The following BAG6 variants were observed in gnomAD, a reference collection of about 807,000 sequenced individuals.
The protein encoded by BAG6 is large proline-rich protein BAG6.
Under a neutral mutation model 121.0 loss-of-function variants are expected in BAG6, and 22 were observed. The observed-to-expected ratio is 0.18, with a 90% CI of 0.13 to 0.26. BAG6 has a LOEUF of 0.26. Among genes scored for constraint, BAG6 ranks in the 10% least tolerant of loss-of-function variants. BAG6 has a pLI of 1.00. For synonymous variants in BAG6, 583 were observed against 584.6 expected (o/e 1.00, Z 0.04); for missense variants, 1,233 against 1,537.7 (o/e 0.80, Z 3.31).
chr6:31,649,359 G>A lies in BAG6; in HGVS notation c.263C>T (p.Ala88Val), dbSNP rs1243259549. 6.2e-7 allele frequency: 1 copy of A among 1,610,314 alleles called. No individual in the cohort carries two copies. Among genetic ancestry groups the A allele is most frequent in the Non-Finnish European group, 8.5e-7 (1 of 1,178,318 alleles). Reference protein sequence around the residue: ...GGKVIHLVERAPPQTHLPSGA... With the variant: ...GGKVIHLVERVPPQTHLPSGA... Reference sequence around the variant, plus strand: ...AGAAGGGAGGTGAGTCTGAGGAGGAGCCCGTTCCACCAGGTGGATAACCTT... The same window carrying A: ...AGAAGGGAGGTGAGTCTGAGGAGGAACCCGTTCCACCAGGTGGATAACCTT... Residue 88 changes from alanine to valine, a missense_variant, in exon 4 of 26, where the codon GCT (alanine) becomes GTT (valine). Physicochemically the swap from Ala to Val is moderately conservative, Grantham distance 64. This residue lies in a region of BAG6 where 777 missense variants were observed against 861.4 expected (regional missense o/e 0.90). Coordinates refer to ENST00000676615, the MANE Select transcript of BAG6 (RefSeq NM_001387994.1).
chr6:31,639,138 T>C lies in BAG6; in HGVS notation c.3482A>G (p.Asp1161Gly). Reference protein sequence around the residue: ...FPNAQRAFADDP With the variant: ...FPNAQRAFADGP ...GGGCCATAGAGCAAAGAGCTAAGGA[T>C]CATCAGCAAAGGCCCGCTGGGCATT... The change falls in exon 26 of 26, where the codon GAT (aspartate) becomes GGT (glycine). Residue 1161 changes from aspartate (D) to glycine (G), a missense_variant. Asp to Gly is a moderately conservative substitution (Grantham distance 94, BLOSUM62 -1). This residue lies in a region of BAG6 where 102 missense variants were observed against 103.2 expected (regional missense o/e 0.99). Coordinates refer to ENST00000676615, the MANE Select transcript of BAG6 (RefSeq NM_001387994.1). The C allele has an allele frequency of 6.2e-7, 1 of 1,612,966 alleles. No individual in the cohort carries two copies. The highest frequency in any genetic ancestry group is 8.5e-7 in the Non-Finnish European group (1 of 1,179,420).
In BAG6 at chr6:31,641,741, A is replaced by G. The variant is rs2150714656; in HGVS notation, c.2505+35T>C. 4 of 1,612,244 alleles carry G rather than the reference A, an allele frequency of 2.5e-6. No homozygotes were observed. The highest frequency in any genetic ancestry group is 3.4e-6 in the Non-Finnish European group (4 of 1,178,988). Reference sequence around the variant, plus strand: ...AGAAATAAGGAATAAAATGTGCAAAAGAGGAGAGTTCTGGGGCCCCTGGCC... The same window carrying G: ...AGAAATAAGGAATAAAATGTGCAAAGGAGGAGAGTTCTGGGGCCCCTGGCC... On this transcript the variant is annotated intron_variant, in intron 17 of 25. Coordinates refer to ENST00000676615, the MANE Select transcript of BAG6 (RefSeq NM_001387994.1). The surrounding 1 kb of genome is among the most constrained non-coding windows in gnomAD (Gnocchi z 5.7).
rs765189287 is a variant in BAG6, at chr6:31,649,588, C to T, written c.148G>A (p.Val50Ile). ...CGTTGTTTTTCAGATGGGATGCTGACAGAGGCAGCAATGTGCTCCTTAAAC... is the reference window on the plus strand; with the variant it reads ...CGTTGTTTTTCAGATGGGATGCTGATAGAGGCAGCAATGTGCTCCTTAAAC... The part of the protein sequence containing the change: ...KEFKEHIAAS[V>I]SIPSEKQRLI... The change falls in exon 3 of 26, where the codon GTC (valine) becomes ATC (isoleucine). Residue 50 changes from valine to isoleucine, a missense_variant. By Grantham distance (29) the Val-to-Ile change is conservative. Coordinates refer to ENST00000676615, the MANE Select transcript of BAG6 (RefSeq NM_001387994.1). 2 of 1,614,114 alleles carry T rather than the reference C, an allele frequency of 1.2e-6. No individual in the cohort carries two copies. The highest frequency in any genetic ancestry group is 1.7e-6 in the Non-Finnish European group (2 of 1,180,038).
chr6:31,641,269 G>T lies in BAG6; in HGVS notation c.2663-41C>A. ...AAGGAGGGAATGCTGGCACGTGGCA[G>T]CCCTGCACATGCAACAGGCCCCACT... On this transcript the variant is annotated intron_variant, in intron 19 of 25. Coordinates refer to ENST00000676615, the MANE Select transcript of BAG6 (RefSeq NM_001387994.1). The surrounding 1 kb of genome is among the most constrained non-coding windows in gnomAD (Gnocchi z 5.7). 6.2e-7 allele frequency: 1 copy of T among 1,613,932 alleles called. No individual in the cohort carries two copies. The highest frequency in any genetic ancestry group is 8.5e-7 in the Non-Finnish European group (1 of 1,179,818).
chr6:31,640,573 C>G lies in BAG6; in HGVS notation c.2995-45G>C. On this transcript the variant is annotated intron_variant, in intron 22 of 25. Transcript: ENST00000676615. This position sits in a 1 kb window ranked among gnomAD's most constrained non-coding sequence, Gnocchi z 4.2. ...AAGAGCCAGGCTTCAGAATTTTTAG[C>G]CTCCAAACCTTTCTCCCCCAGCCCT... 2.5e-6 allele frequency: 4 copies of G among 1,612,418 alleles called. No individual in the cohort carries two copies. Among genetic ancestry groups the G allele is most frequent in the Non-Finnish European group, 3.4e-6 (4 of 1,179,622 alleles).
At position 31,641,155 on chromosome 6, in the gene BAG6, G is replaced by A. The variant is rs1326713065; in HGVS notation, c.2736C>T (p.His912=). ...GLFECLALNL[H]CLGGQQMELA... ...GCTCCATCTGCTGTCCCCCCAAGCA[G>A]TGCAGGTTTAGGGCCAGGCATTCAA... The change falls in exon 20 of 26, where the codon CAC becomes CAT. Residue 912 remains histidine, a synonymous_variant. Coordinates refer to ENST00000676615, the MANE Select transcript of BAG6 (RefSeq NM_001387994.1). The surrounding 1 kb of genome is among the most constrained non-coding windows in gnomAD (Gnocchi z 5.7). The A allele has an allele frequency of 6.2e-7, 1 of 1,613,368 alleles. No individual in the cohort carries two copies. Among genetic ancestry groups the A allele is most frequent in the Non-Finnish European group, 8.5e-7 (1 of 1,180,024 alleles).
At chr6:31,650,255 C>T (rs959275796) in intron 2 of BAG6, among the ~76,000 whole-genome samples, 15 of 151,928 alleles carry the variant, frequency 9.9e-5, no homozygotes, top group Non-Finnish European at 1.8e-4. Context: ...CCTTTCCAAA[C>T]ACAAGATGAT....
At position 31,645,981 on chromosome 6, in the gene BAG6, GT is replaced by G. The variant is rs548810250; in HGVS notation, c.919-378del. On this transcript the variant is annotated intron_variant, in intron 8 of 25. Coordinates refer to ENST00000676615, the MANE Select transcript of BAG6 (RefSeq NM_001387994.1). ...GAGAAATTGTTTTGTTGCAATGTGT[GT>G]TTTTTTGTTTTGTTTTGTTTTTTGA... is the stretch of plus-strand genomic sequence containing the variant. Among the ~76,000 whole-genome samples the G allele has an allele frequency of 1.5e-4, 23 of 152,162 alleles. No homozygotes were observed. In the East Asian group the frequency reaches 4.2e-3, roughly 28 times the overall value.
At position 31,640,160 on chromosome 6, in the gene BAG6, C is replaced by T. The variant is rs111744192; in HGVS notation, c.3246+39G>A. On this transcript the variant is annotated intron_variant, in intron 24 of 25. Transcript: ENST00000676615. The surrounding 1 kb of genome is among the most constrained non-coding windows in gnomAD (Gnocchi z 4.2). ...TTGATTCCAGGCATGACGGGGAAAC[C>T]TGGATAGAGAGAGAGGCTTAGGGAA... The T allele has an allele frequency of 1.9e-6, 3 of 1,594,756 alleles. No homozygotes were observed. The highest frequency in any genetic ancestry group is 1.3e-5 in the African/African-American group (1 of 74,500).
chr6:31,650,773 T>G (rs1367634762), intron 2 of BAG6, among the ~76,000 whole-genome samples: 1 of 152,142 alleles, frequency 6.6e-6, no homozygotes, highest in Non-Finnish European at 1.5e-5. Flanking sequence ...TATATATGGC[T>G]TTCTTATATC....
intron 25 of BAG6, 107 bp from the exon 26 acceptor site, chr6:31,639,333 C>A: frequency 6.9e-7 from 1 of 1,446,518 alleles, no homozygotes; most frequent in Non-Finnish European, 9.6e-7. Flanking sequence ...CCCCCAAGCA[C>A]ACTGTCAAAT....
At position 31,640,609 on chromosome 6, in the gene BAG6, T is replaced by A. The variant is rs753857786; in HGVS notation, c.2994+36A>T. ...TTCTCCCCCAGCCCTCCACTCCACA[T>A]TATCTGGCCCCTCAACCTCCCCCTC... is the stretch of plus-strand genomic sequence containing the variant. On this transcript the variant is annotated intron_variant, in intron 22 of 25. Coordinates refer to ENST00000676615, the MANE Select transcript of BAG6 (RefSeq NM_001387994.1). The surrounding 1 kb of genome is among the most constrained non-coding windows in gnomAD (Gnocchi z 4.2). 6.4e-5 allele frequency: 103 copies of A among 1,612,676 alleles called. No individual in the cohort carries two copies. The highest frequency in any genetic ancestry group is 8.4e-5 in the Non-Finnish European group (99 of 1,179,854).
rs942875805 is a variant in BAG6 at position 31,641,653 on chromosome 6, G to A, written c.2506-61C>T. ...TCAGTCCTCCCAAGACTTCCACCTC[G>A]ACCCCAACAAGTCCAGGGCTTGTGT... On this transcript the variant is annotated intron_variant, in intron 17 of 25. Transcript: ENST00000676615. The surrounding 1 kb of genome is among the most constrained non-coding windows in gnomAD (Gnocchi z 5.7). The A allele has an allele frequency of 9.3e-6, 15 of 1,612,316 alleles. No individual in the cohort carries two copies. The highest frequency in any genetic ancestry group is 6.7e-5 in the East Asian group (3 of 44,882).
At position 31,649,388 on chromosome 6, in the gene BAG6, C is replaced by T. The variant is rs770773073; in HGVS notation, c.234G>A (p.Gly78=). 5 of 1,603,138 alleles carry T rather than the reference C, an allele frequency of 3.1e-6. No homozygotes were observed. The highest frequency in any genetic ancestry group is 4.3e-6 in the Non-Finnish European group (5 of 1,174,398). ...GTTCCACCAGGTGGATAACCTTTCC[C>T]CCAACATCTGCAGAAAAATAGACAC... The part of the protein sequence containing the change: ...DDKKLQEYNV[G]GKVIHLVERA... The change falls in exon 4 of 26, where the codon GGG becomes GGA. Residue 78 remains glycine (G), a synonymous_variant. Coordinates refer to ENST00000676615, the MANE Select transcript of BAG6 (RefSeq NM_001387994.1).
chr6:31,640,426 C>T lies in BAG6; in HGVS notation c.3097G>A (p.Ala1033Thr). The T allele has an allele frequency of 6.2e-7, 1 of 1,613,986 alleles. No homozygotes were observed. Among genetic ancestry groups the T allele is most frequent in the South Asian group, 1.1e-5 (1 of 91,090 alleles). ...GCCCAAGGTTCTGTCTCAGCTGAAG[C>T]TCCATCCTGTTCATCCCGGGAGCCC... ...EGGSRDEQDG[A>T]SAETEPWAAA... Residue 1033 changes from alanine to threonine, a missense_variant, in exon 23 of 26, where the codon GCT (alanine) becomes ACT (threonine). By Grantham distance (58) the Ala-to-Thr change is moderately conservative (BLOSUM62 0). This residue lies in a region of BAG6 where 288 missense variants were observed against 483.1 expected (regional missense o/e 0.60). Transcript: ENST00000676615. The surrounding 1 kb of genome is among the most constrained non-coding windows in gnomAD (Gnocchi z 4.2).
Position 31,651,681 on chromosome 6 carries a change from G to C in BAG6, c.83C>G (p.Thr28Ser). ...CTGGGCCCCCACAATAAAGGTACGA[G>C]TTTGAGAGTCCAAGGTCTTCACCAA... is the stretch of plus-strand genomic sequence containing the variant. ...EVLVKTLDSQ[T>S]RTFIVGAQMN... The change falls in exon 2 of 26, where the codon ACT becomes AGT. Residue 28 changes from threonine (T) to serine (S), a missense_variant. Physicochemically the swap from Thr to Ser is moderately conservative, Grantham distance 58. Transcript: ENST00000676615. The C allele has an allele frequency of 6.2e-7, 1 of 1,613,096 alleles. No homozygotes were observed. Among genetic ancestry groups the C allele is most frequent in the Non-Finnish European group, 8.5e-7 (1 of 1,180,038 alleles).
rs751517791 is a variant in BAG6 at position 31,640,838 on chromosome 6, G to C, written c.2888C>G (p.Pro963Arg). The change falls in exon 21 of 26, where the codon CCT becomes CGT. Residue 963 changes from proline (P) to arginine (R), a missense_variant. Coordinates refer to ENST00000676615, the MANE Select transcript of BAG6 (RefSeq NM_001387994.1). The surrounding 1 kb of genome is among the most constrained non-coding windows in gnomAD (Gnocchi z 4.2). Reference sequence around the variant, plus strand: ...GCGAACGTATCTGAGAATGGCATCAGGGCCTACAGGCATGTGCTCCAGTAC... The same window carrying C: ...GCGAACGTATCTGAGAATGGCATCACGGCCTACAGGCATGTGCTCCAGTAC... ...QVVLEHMPVG[P>R]DAILRYVRRV... 7.4e-6 allele frequency: 12 copies of C among 1,612,586 alleles called. No individual in the cohort carries two copies. The Admixed American group carries it at 2.0e-4, about 27-fold the overall frequency.
Position 31,646,414 on chromosome 6 carries a change from T to G in BAG6, c.898A>C (p.Thr300Pro). 1 of 1,612,946 alleles carries G rather than the reference T, an allele frequency of 6.2e-7. No individual in the cohort carries two copies. Among genetic ancestry groups the G allele is most frequent in the Non-Finnish European group, 8.5e-7 (1 of 1,179,968 alleles). The change falls in exon 8 of 26, where the codon ACC becomes CCC. Residue 300 changes from threonine to proline, a missense_variant. Physicochemically the swap from Thr to Pro is conservative, Grantham distance 38 (BLOSUM62 -1). Transcript: ENST00000676615. ...CTCACATTGTTATTGTAGTCCGTGG[T>G]GGCAGCAGCACCCAGAACCTCGTAG... The part of the protein sequence containing the change: ...RYYEVLGAAA[T>P]TDYNNNHEGR...
In BAG6 at chr6:31,640,322, G is replaced by A. The variant is rs777840629; in HGVS notation, c.3139-16C>T. Reference sequence around the variant, plus strand: ...GGACCCATTCCTGGGGAGGAAAAGAGAAAATAGTAATGTCCTTGACTTTCA... The same window carrying A: ...GGACCCATTCCTGGGGAGGAAAAGAAAAAATAGTAATGTCCTTGACTTTCA... On this transcript the variant is annotated splice_polypyrimidine_tract_variant and intron_variant, in intron 23 of 25. Transcript: ENST00000676615. The surrounding 1 kb of genome is among the most constrained non-coding windows in gnomAD (Gnocchi z 4.2). 2 of 1,614,206 alleles carry A rather than the reference G, an allele frequency of 1.2e-6. No homozygotes were observed. The highest frequency in any genetic ancestry group is 1.7e-6 in the Non-Finnish European group (2 of 1,180,022).
Sources: gnomAD v4.1 joint callset for allele counts (sites outside exome capture counted in the v4.1 genomes callset) on GRCh38, gnomAD v4.1.1 for gene constraint, gnomAD v4.1.1 regional missense constraint, Gnocchi (gnomAD v3.1) non-coding constraint, MANE v1.5 for transcripts, NCBI Gene and HGNC (gene_info 2026-07-23, HGNC 2026-07-21) for gene names.